Variants in KIAA1549 observed in about 807,000 individuals in gnomAD.
The protein encoded by KIAA1549 is UPF0606 protein KIAA1549.
Under a neutral mutation model 156.4 loss-of-function variants are expected in KIAA1549, and 70 were observed. The ratio of observed to expected loss-of-function variants is 0.45; its 90% CI spans 0.37 to 0.55. The LOEUF is 0.55. Ranked by LOEUF, KIAA1549 falls within the 20% of genes least tolerant of loss-of-function variation. The pLI, the probability that KIAA1549 is intolerant of heterozygous loss-of-function variation, is 0.00. For synonymous variants in KIAA1549, 1,103 were observed against 1,066.4 expected (o/e 1.03, Z -0.67); for missense variants, 2,428 against 2,540.9 (o/e 0.96, Z 0.96).
chr7:138,898,992 G>A lies in KIAA1549; in HGVS notation c.3810C>T (p.Ile1270=), dbSNP rs1811766977. 6.2e-7 allele frequency: 1 copy of A among 1,613,842 alleles called. No homozygotes were observed. Among genetic ancestry groups the A allele is most frequent in the Non-Finnish European group, 8.5e-7 (1 of 1,179,744 alleles). Residue 1270 remains isoleucine, a synonymous_variant, in exon 9 of 20, where the codon ATC becomes ATT. Coordinates refer to ENST00000422774, the MANE Select transcript of KIAA1549 (RefSeq NM_001164665.2). ...CACCTTGAATTCGGTAACCCAAGAT[G>A]ATGGCTGCTCTCTGGAGGTCCATTT... ...INKMDLQRAA[I]ILGYRIQGVI...
In KIAA1549 at chr7:138,837,771, T is replaced by C. The variant is rs2130318360; in HGVS notation, c.*135A>G. On this transcript the variant is annotated 3_prime_UTR_variant, in exon 20 of 20. Coordinates refer to ENST00000422774, the MANE Select transcript of KIAA1549 (RefSeq NM_001164665.2). The stretch of plus-strand genomic sequence containing the variant: ...ACACGACGTATGGCATCTTCTAAAT[T>C]GCAACTTGCTCCCTCCCTTGGGCAG... 2.1e-6 allele frequency: 2 copies of C among 949,866 alleles called. No individual in the cohort carries two copies. The highest frequency in any genetic ancestry group is 5.3e-5 in the East Asian group (2 of 37,786). 58.8% of individuals were successfully genotyped at this position (949,866 alleles called of 1,614,324 possible). A position where few individuals can be genotyped will look rare whatever the true frequency, so the allele number is the denominator to read the frequency against.
intron 1 of KIAA1549, among the ~76,000 whole-genome samples, chr7:138,954,774 G>C (rs999297299): frequency 6.6e-6 from 1 of 152,200 alleles, no homozygotes; most frequent in African/African-American, 2.4e-5. Context: ...TGCTTGTGCA[G>C]GAACTGCAGG....
chr7:138,876,460 G>A (rs766369372), intron 12 of KIAA1549: 16 of 152,152 alleles, frequency 1.1e-4, no homozygotes, highest in South Asian at 2.1e-4. Flanking sequence ...CTGCTGAAGC[G>A]AGCACTGCAA....
chr7:138,914,491 A>G (rs1327869339), intron 2 of KIAA1549, among the ~76,000 whole-genome samples: 1 of 152,214 alleles, frequency 6.6e-6, no homozygotes, highest in Non-Finnish European at 1.5e-5. Flanking sequence ...CCCAGCACCC[A>G]GAGTGGCTCC....
chr7:138,946,645 G>A (rs1018177968), intron 1 of KIAA1549, among the ~76,000 whole-genome samples: 7 of 152,038 alleles, frequency 4.6e-5, no homozygotes, highest in Admixed American at 4.6e-4. Flanking sequence ...CTGGTGAGGT[G>A]GTGTGCGCCT....
chr7:138,917,309 C>T lies in KIAA1549; in HGVS notation c.2317G>A (p.Gly773Ser), dbSNP rs779721937. 6 of 1,613,616 alleles carry T rather than the reference C, an allele frequency of 3.7e-6. No individual in the cohort carries two copies. The highest frequency in any genetic ancestry group is 1.7e-6 in the Non-Finnish European group (2 of 1,179,814). Residue 773 changes from glycine (G) to serine (S), a missense_variant, in exon 2 of 20, where the codon GGC becomes AGC. Gly to Ser is a moderately conservative substitution (Grantham distance 56, BLOSUM62 0). This residue lies in a region of KIAA1549 where 762 missense variants were observed against 901.6 expected (regional missense o/e 0.85). Transcript: ENST00000422774. ...GTCAAAATGTCAAAAGACTCAGAGC[C>T]GGGGGGCACCAGTGCAGTGACTGCG... is the stretch of plus-strand genomic sequence containing the variant. ...ESAVTALVPP[G>S]SESFDILTAG...
At chr7:138,846,257 G>A (rs562812964) in intron 17 of KIAA1549, among the ~76,000 whole-genome samples, 12 of 152,234 alleles carry the variant, frequency 7.9e-5, no homozygotes, top group East Asian at 3.9e-4. Context: ...AGTTTTGGCC[G>A]GGTGCGGTGG....
intron 17 of KIAA1549, among the ~76,000 whole-genome samples, chr7:138,847,257 TATTA>T (rs1365577257): frequency 2.6e-5 from 4 of 152,232 alleles, no homozygotes; most frequent in Non-Finnish European, 5.9e-5. Flanking sequence ...GGGTAAAAGC[TATTA>T]ATAATGGGAC....
chr7:138,916,644 C>T (rs980796324), intron 2 of KIAA1549, 104 bp downstream of exon 2: 28 of 1,506,674 alleles, frequency 1.9e-5, no homozygotes, highest in South Asian at 6.7e-5. Flanking sequence ...CTGAGCCCAG[C>T]GCCTCTGCTC....
At chr7:138,874,764 T>C (rs1291760490) in intron 12 of KIAA1549, among the ~76,000 whole-genome samples, 3 of 152,202 alleles carry the variant, frequency 2.0e-5, no homozygotes, top group African/African-American at 7.2e-5. Context: ...AGCACTTTGA[T>C]AGGCTGAGGC....
At chr7:138,873,477 A>T (rs1252557030) in intron 12 of KIAA1549, among the ~76,000 whole-genome samples, 1 of 152,080 alleles carries the variant, frequency 6.6e-6, no homozygotes. Context: ...ACCCAGACTT[A>T]TAGAGTAACA....
chr7:138,861,033 T>C, intron 16 of KIAA1549, 106 bp downstream of exon 16: 1 of 1,118,386 alleles, frequency 8.9e-7, no homozygotes, highest in Non-Finnish European at 1.3e-6. Context: ...GTTTTAATTC[T>C]TATCAAATGC....
At chr7:138,959,614 G>A (rs773243333) in intron 1 of KIAA1549, among the ~76,000 whole-genome samples, 1 of 152,188 alleles carries the variant, frequency 6.6e-6, no homozygotes. Flanking sequence ...ATATGTCAGC[G>A]AAGTTTGGTC....
intron 10 of KIAA1549, among the ~76,000 whole-genome samples, chr7:138,890,187 A>G (rs1489972219): frequency 2.6e-5 from 4 of 152,212 alleles, no homozygotes; most frequent in African/African-American, 9.6e-5. Context: ...ACTGGTGGGC[A>G]GGTCAGCCAA....
chr7:138,920,395 G>T (rs1281135486), intron 1 of KIAA1549, among the ~76,000 whole-genome samples: 1 of 152,172 alleles, frequency 6.6e-6, no homozygotes, highest in Non-Finnish European at 1.5e-5. Context: ...CCTAAGGACA[G>T]GCATTGTTTA....
At chr7:138,933,254 T>C (rs1228712533) in intron 1 of KIAA1549, among the ~76,000 whole-genome samples, 1 of 152,076 alleles carries the variant, frequency 6.6e-6, no homozygotes, top group Non-Finnish European at 1.5e-5. Flanking sequence ...GAGAGAAGAA[T>C]CACCGAGGAG....
Position 138,832,190 on chromosome 7 carries a change from C to CT in KIAA1549, c.*5715_*5716insA, listed in dbSNP as rs1563039449. ...TTCACCTCTGTCCCTTTTACCTATT[C>CT]CTTTTTTTTTTTTTTTTTTTTCCAG... On this transcript the variant is annotated 3_prime_UTR_variant, in exon 20 of 20. Coordinates refer to ENST00000422774, the MANE Select transcript of KIAA1549 (RefSeq NM_001164665.2). 1,493 of 169,970 alleles carry CT rather than the reference C, an allele frequency of 8.8e-3. 65 individuals carry two copies. The highest frequency in any genetic ancestry group is 0.046 in the African/African-American group (1,377 of 30,116). The allele number at this position is 169,970 out of a possible 1,614,324, so 10.5% of individuals were successfully genotyped here.
chr7:138,961,155 T>C (rs1452294761), intron 1 of KIAA1549, among the ~76,000 whole-genome samples: 1 of 152,192 alleles, frequency 6.6e-6, no homozygotes, highest in Non-Finnish European at 1.5e-5. Context: ...AGGCACACAC[T>C]GGGAGGTTAA....
At chr7:138,945,039 A>T (rs1254760508) in intron 1 of KIAA1549, among the ~76,000 whole-genome samples, 9 of 152,220 alleles carry the variant, frequency 5.9e-5, no homozygotes, top group Admixed American at 5.9e-4. Context: ...AAAATAACTT[A>T]AGGGGTCAAA....
Sources: allele counts gnomAD v4.1 joint callset (sites outside exome capture counted in the v4.1 genomes callset), GRCh38; gene constraint gnomAD v4.1.1; regional missense constraint gnomAD v4.1.1; transcripts MANE v1.5; gene names NCBI Gene and HGNC (gene_info 2026-07-23, HGNC 2026-07-21).